The following OPCML variants were observed in gnomAD, a reference collection of about 807,000 sequenced individuals.
OPCML encodes the protein opioid-binding protein/cell adhesion molecule.
A neutral mutation model predicts 37.8 loss-of-function variants in OPCML; 13 were observed. That is an observed-to-expected ratio of 0.34 (90% CI 0.22 to 0.55). The LOEUF is 0.55. Ranked by LOEUF, OPCML falls within the 20% of genes least tolerant of loss-of-function variation. The pLI is 0.91. For missense variants in OPCML, 341 were observed against 435.6 expected, an observed-to-expected ratio of 0.78 and a Z score of 1.93; for synonymous variants, 176 against 168.8, an observed-to-expected ratio of 1.04 and a Z score of -0.33.
chr11:132,721,786 A>G (rs1333478614), intron 2 of OPCML, among the ~76,000 whole-genome samples: 1 of 152,094 alleles, frequency 6.6e-6, no homozygotes, highest in Non-Finnish European at 1.5e-5. Flanking sequence ...AAGCAGAGGC[A>G]ACAAAAATAG....
At chr11:133,514,682 C>T (rs1337787608) in intron 1 of OPCML, among the ~76,000 whole-genome samples, 1 of 152,168 alleles carries the variant, frequency 6.6e-6, no homozygotes, top group Non-Finnish European at 1.5e-5. Flanking sequence ...AACTCTATTG[C>T]CATAACTGTA....
intron 3 of OPCML, among the ~76,000 whole-genome samples, chr11:132,582,837 T>G (rs1475651244): frequency 2.9e-5 from 4 of 135,924 alleles, no homozygotes; most frequent in Non-Finnish European, 4.6e-5. Flanking sequence ...AGTTGTTTTT[T>G]TGTTTAAGGT....
chr11:133,360,450 C>A (rs1443413940), intron 1 of OPCML: 1 of 152,226 alleles, frequency 6.6e-6, no homozygotes, highest in Non-Finnish European at 1.5e-5. Flanking sequence ...TGGACTGAAG[C>A]CAGGGCAGGC....
chr11:132,952,326 G>A (rs1945877693), intron 1 of OPCML, among the ~76,000 whole-genome samples: 1 of 152,140 alleles, frequency 6.6e-6, no homozygotes. Flanking sequence ...AAAGTCACCA[G>A]AAAGGGAATT....
intron 1 of OPCML, among the ~76,000 whole-genome samples, chr11:133,055,114 C>T (rs1296700743): frequency 2.0e-5 from 3 of 150,086 alleles, no homozygotes; most frequent in Admixed American, 6.6e-5. Context: ...CCGTACAATG[C>T]TGCCTCCATG....
At chr11:132,625,762 G>A (rs964485555) in intron 3 of OPCML, among the ~76,000 whole-genome samples, 2 of 151,992 alleles carry the variant, frequency 1.3e-5, no homozygotes, top group Non-Finnish European at 2.9e-5. Context: ...ATGGTGTCTG[G>A]CATCAGTGAC....
At chr11:132,451,906 C>T (rs1184855129) in intron 4 of OPCML, among the ~76,000 whole-genome samples, 1 of 152,136 alleles carries the variant, frequency 6.6e-6, no homozygotes, top group Non-Finnish European at 1.5e-5. Flanking sequence ...TTCTCTCTTC[C>T]TCTGTATTAC....
At chr11:132,903,743 A>G (rs1419337876) in intron 2 of OPCML, among the ~76,000 whole-genome samples, 1 of 152,228 alleles carries the variant, frequency 6.6e-6, no homozygotes, top group African/African-American at 2.4e-5. Context: ...GTGGAACCCT[A>G]GAACAACAAA....
chr11:133,408,539 G>A (rs1046384500), intron 1 of OPCML, among the ~76,000 whole-genome samples: 1 of 152,152 alleles, frequency 6.6e-6, no homozygotes, highest in Non-Finnish European at 1.5e-5. Context: ...AGTTATTCTA[G>A]TTCAGGGTCA....
intron 1 of OPCML, among the ~76,000 whole-genome samples, chr11:133,068,852 G>A (rs1948479923): frequency 6.6e-6 from 1 of 152,192 alleles, no homozygotes; most frequent in South Asian, 2.1e-4. Flanking sequence ...GGGTCAAGGT[G>A]CCCTAGGAGA....
At chr11:133,167,897 TA>T in intron 1 of OPCML, among the ~76,000 whole-genome samples, 1 of 152,350 alleles carries the variant, frequency 6.6e-6, no homozygotes, top group African/African-American at 2.4e-5. Context: ...CATTCCTATC[TA>T]TCTTTCAGTT....
chr11:133,250,814 G>C (rs941718264), intron 1 of OPCML, among the ~76,000 whole-genome samples: 14 of 152,130 alleles, frequency 9.2e-5, no homozygotes, highest in African/African-American at 3.4e-4. Context: ...AACTGTAGTT[G>C]ATGGCTCTTC....
chr11:133,076,218 T>C (rs902406013), intron 1 of OPCML, among the ~76,000 whole-genome samples: 1 of 152,246 alleles, frequency 6.6e-6, no homozygotes, highest in Admixed American at 6.5e-5. Flanking sequence ...AGGCAATGCA[T>C]GCATACCTTT....
At chr11:133,192,855 G>GTTTCC (rs1273731110) in intron 1 of OPCML, among the ~76,000 whole-genome samples, 1 of 145,804 alleles carries the variant, frequency 6.9e-6, no homozygotes, top group Admixed American at 6.8e-5. Flanking sequence ...GTTGCTTCGT[G>GTTTCC]TTTTCTTTTC....
intron 1 of OPCML, among the ~76,000 whole-genome samples, chr11:133,500,654 G>A (rs1000239373): frequency 5.9e-5 from 9 of 152,120 alleles, no homozygotes; most frequent in Admixed American, 5.2e-4. Context: ...GCTCCTGCAC[G>A]GGGAGAATTA....
chr11:132,828,917 C>T (rs1036256029), intron 2 of OPCML, among the ~76,000 whole-genome samples: 21 of 152,196 alleles, frequency 1.4e-4, no homozygotes, highest in Admixed American at 8.5e-4. Flanking sequence ...ACAGTAGGTG[C>T]CTCGTTTTCT....
At chr11:132,796,691 G>A (rs112345009) in intron 2 of OPCML, among the ~76,000 whole-genome samples, 9,254 of 149,196 alleles carry the variant, frequency 0.062, 726 homozygotes, top group African/African-American at 0.19. Flanking sequence ...CTCCTGCCTC[G>A]GCCTCCCTCC....
At chr11:132,890,234 A>G (rs1161251272) in intron 2 of OPCML, among the ~76,000 whole-genome samples, 1 of 152,168 alleles carries the variant, frequency 6.6e-6, no homozygotes, top group Non-Finnish European at 1.5e-5. Flanking sequence ...CTTCCACTTC[A>G]AAGAAGTCCT....
intron 1 of OPCML, among the ~76,000 whole-genome samples, chr11:133,120,651 G>C (rs562441178): frequency 5.3e-5 from 8 of 152,312 alleles, no homozygotes; most frequent in African/African-American, 1.7e-4. Context: ...TTCAGTGACT[G>C]TGCTTTTAAG....
Sources: gnomAD v4.1 joint callset for allele counts (sites outside exome capture counted in the v4.1 genomes callset) on GRCh38, gnomAD v4.1.1 for gene constraint, MANE v1.5 for transcripts, NCBI Gene and HGNC (gene_info 2026-07-23, HGNC 2026-07-21) for gene names.